TSSK4: variants seen among roughly 807,000 people sequenced by gnomAD.
TSSK4 encodes testis-specific serine/threonine-protein kinase 4.
TSSK4 carries 22 observed loss-of-function variants against 28.5 expected under a neutral mutation model. The ratio of observed to expected loss-of-function variants is 0.77; its 90% confidence interval spans 0.55 to 1.10. The LOEUF is 1.10. TSSK4 is among the 50% of genes least tolerant of loss of function. TSSK4 has a pLI of 0.00. For missense variants in TSSK4, 329 were observed against 415.4 expected, an observed-to-expected ratio of 0.79 and a Z score of 1.81; for synonymous variants, 151 against 158.3, an observed-to-expected ratio of 0.95 and a Z score of 0.35.
chr14:24,207,295 C>A lies in TSSK4; in HGVS notation c.620C>A (p.Thr207Asn). ...QVNCFSHLSQ[T>N]YCGSFAYACP... is the part of the protein sequence containing the mutation. The stretch of plus-strand genomic sequence containing the variant: ...AACTGCTTTTCCCACCTCAGCCAGA[C>A]TTACTGTGGCAGCTTTGCTTACGCT... The change falls in exon 3 of 4, where the codon ACT becomes AAT. Residue 207 changes from threonine to asparagine, a missense_variant. Around this residue, in one of 3 missense-constraint regions of TSSK4, gnomAD observed 139 missense variants for 178.1 expected, o/e 0.78. Coordinates refer to ENST00000339917, the MANE Select transcript of TSSK4 (RefSeq NM_001184739.2). 1.2e-6 allele frequency: 2 copies of A among 1,614,158 alleles called. No homozygotes were observed. The highest frequency in any genetic ancestry group is 1.7e-6 in the Non-Finnish European group (2 of 1,179,998).
chr14:24,207,575 C>A lies in TSSK4; in HGVS notation c.834+66C>A, dbSNP rs2039543445. ...CCACAGGGAGGGGTGAATATCCAAC[C>A]TAGGTCACCCAACCTAGGCCTCCCA... On this transcript the variant is annotated intron_variant, in intron 3 of 3. Transcript: ENST00000339917. 4 of 1,522,874 alleles carry A rather than the reference C, an allele frequency of 2.6e-6. No homozygotes were observed. The East Asian group carries it at 9.0e-5, about 34-fold the overall frequency. 94.3% of individuals were successfully genotyped at this position (1,522,874 alleles called of 1,614,324 possible). A position where few individuals can be genotyped will look rare whatever the true frequency, so the allele number is the denominator to read the frequency against.
rs1348458884 is a variant in TSSK4 at position 24,205,889 on chromosome 14, T to C, written c.-35T>C. 6.4e-7 allele frequency: 1 copy of C among 1,573,250 alleles called. No homozygotes were observed. The highest frequency in any genetic ancestry group is 1.1e-5 in the South Asian group (1 of 90,200). ...GGCCTTTGGATAGGAGGCTTCCAAG[T>C]AGTAAAGCTCCCTGCTCTCAGCAAG... On this transcript the variant is annotated 5_prime_UTR_variant, in exon 1 of 4. Coordinates refer to ENST00000339917, the MANE Select transcript of TSSK4 (RefSeq NM_001184739.2).
rs767444665 is a variant in TSSK4 at position 24,207,985 on chromosome 14, C to T, written c.856C>T (p.Arg286Cys). 33 of 1,614,090 alleles carry T rather than the reference C, an allele frequency of 2.0e-5. No homozygotes were observed. Among genetic ancestry groups the T allele is most frequent in the Middle Eastern group, 1.6e-4 (1 of 6,084 alleles). The change falls in exon 4 of 4, where the codon CGC becomes TGC. Residue 286 changes from arginine to cysteine, a missense_variant. Arg to Cys is a radical substitution (Grantham distance 180, BLOSUM62 -3). Around this residue, in one of 3 missense-constraint regions of TSSK4, gnomAD observed 139 missense variants for 178.1 expected, o/e 0.78. Transcript: ENST00000339917. ...CTAGAACCTGATCCTCCAGATGCTACGCCAAGCCACTAAGCGTGCCACCAT... is the reference window on the plus strand; with the variant it reads ...CTAGAACCTGATCCTCCAGATGCTATGCCAAGCCACTAAGCGTGCCACCAT... Reference protein sequence around the residue: ...ECKNLILQMLRQATKRATILD... With the variant: ...ECKNLILQMLCQATKRATILD...
chr14:24,206,613 C>A lies in TSSK4; in HGVS notation c.330C>A (p.Val110=). ...TGGAACTGGCTCAGGGTGGTGATGT[C>A]CTTGAATGGATCCAGCGCTACGGGG... ...IILELAQGGD[V]LEWIQRYGAC... Residue 110 remains valine (V), a synonymous_variant, in exon 2 of 4, where the codon GTC becomes GTA. Transcript: ENST00000339917. 6.2e-7 allele frequency: 1 copy of A among 1,614,212 alleles called. No homozygotes were observed. The highest frequency in any genetic ancestry group is 8.5e-7 in the Non-Finnish European group (1 of 1,180,040).
chr14:24,206,615 T>C lies in TSSK4; in HGVS notation c.332T>C (p.Leu111Pro). 1 of 1,614,242 alleles carries C rather than the reference T, an allele frequency of 6.2e-7. No individual in the cohort carries two copies. Among genetic ancestry groups the C allele is most frequent in the Non-Finnish European group, 8.5e-7 (1 of 1,180,036 alleles). The change falls in exon 2 of 4, where the codon CTT becomes CCT. Residue 111 changes from leucine to proline, a missense_variant. Leu to Pro is a moderately conservative substitution (Grantham distance 98). Around this residue, in one of 3 missense-constraint regions of TSSK4, gnomAD observed 175 missense variants for 196.0 expected, o/e 0.89. Transcript: ENST00000339917. ...GAACTGGCTCAGGGTGGTGATGTCC[T>C]TGAATGGATCCAGCGCTACGGGGCC... ...ILELAQGGDV[L>P]EWIQRYGACS...
At position 24,206,154 on chromosome 14, in the gene TSSK4, A is replaced by G; in HGVS notation, c.225+6A>G. The G allele has an allele frequency of 6.2e-7, 1 of 1,613,828 alleles. No individual in the cohort carries two copies. The highest frequency in any genetic ancestry group is 8.5e-7 in the Non-Finnish European group (1 of 1,179,770). ...TCCTGCCCCGTGAAATACAGGTTGGAAAGGGGGCTGGAAGAGGGAACTGGA... is the reference window on the plus strand; with the variant it reads ...TCCTGCCCCGTGAAATACAGGTTGGGAAGGGGGCTGGAAGAGGGAACTGGA... On this transcript the variant is annotated splice_donor_region_variant and intron_variant, in intron 1 of 3. Transcript: ENST00000339917.
In TSSK4 at chr14:24,207,317, C is replaced by A. The variant is rs771807639; in HGVS notation, c.642C>A (p.Tyr214Ter). The A allele has an allele frequency of 6.2e-7, 1 of 1,614,140 alleles. No individual in the cohort carries two copies. Among genetic ancestry groups the A allele is most frequent in the African/African-American group, 1.3e-5 (1 of 75,044 alleles). ...AGACTTACTGTGGCAGCTTTGCTTA[C>A]GCTTGCCCAGAGATCTTACGAGGCT... ...LSQTYCGSFA[Y>*]ACPEILRGLP... is the part of the protein sequence containing the mutation. The change falls in exon 3 of 4, where the codon TAC (tyrosine) becomes TAA (stop). Residue 214 changes from tyrosine (Y) to a stop codon, truncating the protein, a stop_gained. Transcript: ENST00000339917. LOFTEE classifies it high-confidence loss of function.
rs754671970 is a variant in TSSK4 at position 24,207,412 on chromosome 14, A to G, written c.737A>G (p.His246Arg). ...GVILYTLVVAHLPFDDTNLKK... is the reference protein window; with the variant it reads ...GVILYTLVVARLPFDDTNLKK... ...ATCCTTTACACTCTAGTGGTCGCCC[A>G]TCTGCCCTTTGATGACACCAATCTC... Residue 246 changes from histidine (H) to arginine (R), a missense_variant, in exon 3 of 4, where the codon CAT becomes CGT. His to Arg is a conservative substitution (Grantham distance 29). Transcript: ENST00000339917. 8.7e-6 allele frequency: 14 copies of G among 1,614,180 alleles called. No homozygotes were observed. Among genetic ancestry groups the G allele is most frequent in the Admixed American group, 6.7e-5 (4 of 60,020 alleles).
rs149589610 is a variant in TSSK4 at position 24,208,106 on chromosome 14, A to C, written c.977A>C (p.Asn326Thr). 5.4e-4 allele frequency: 874 copies of C among 1,613,340 alleles called. No individual in the cohort carries two copies. The highest frequency in any genetic ancestry group is 6.5e-4 in the Non-Finnish European group (769 of 1,179,386). Residue 326 changes from asparagine to threonine, a missense_variant, in exon 4 of 4, where the codon AAC becomes ACC. Transcript: ENST00000339917. Reference sequence around the variant, plus strand: ...CTTGAGGCCATGTGCCAGCTCCACAACACCACTAAACAGCACCAATCCTTG... The same window carrying C: ...CTTGAGGCCATGTGCCAGCTCCACACCACCACTAAACAGCACCAATCCTTG... The part of the protein sequence containing the change: ...RLLEAMCQLH[N>T]TTKQHQSLQI...
intron 3 of TSSK4, 22 bp downstream of exon 3, chr14:24,207,531 C>T: frequency 6.3e-7 from 1 of 1,577,560 alleles, no homozygotes; most frequent in South Asian, 1.2e-5. Context: ...CTAAGGAGGG[C>T]TGAGCCTTCA....
chr14:24,207,999 G>A lies in TSSK4; in HGVS notation c.870G>A (p.Lys290=), dbSNP rs746263323. ...LILQMLRQAT[K]RATILDIIKD... ...TCCAGATGCTACGCCAAGCCACTAA[G>A]CGTGCCACCATTCTGGACATCATCA... Residue 290 remains lysine (K), a synonymous_variant, in exon 4 of 4, where the codon AAG becomes AAA. Transcript: ENST00000339917. The A allele has an allele frequency of 1.2e-6, 2 of 1,614,098 alleles. No individual in the cohort carries two copies. The highest frequency in any genetic ancestry group is 1.3e-5 in the African/African-American group (1 of 74,922).
chr14:24,205,862 T>C lies in TSSK4; in HGVS notation c.-62T>C, dbSNP rs1594463125. ...CCCTAGCCTTCAGCAGCTCAAGGTG[T>C]TGGCCTTTGGATAGGAGGCTTCCAA... On this transcript the variant is annotated 5_prime_UTR_variant, in exon 1 of 4. Coordinates refer to ENST00000339917, the MANE Select transcript of TSSK4 (RefSeq NM_001184739.2). 1 of 1,336,492 alleles carries C rather than the reference T, an allele frequency of 7.5e-7. No homozygotes were observed. Among genetic ancestry groups the C allele is most frequent in the Non-Finnish European group, 1.1e-6 (1 of 930,604 alleles). 82.8% of individuals were successfully genotyped at this position (1,336,492 alleles called of 1,614,324 possible).
In TSSK4 at chr14:24,208,177, G is replaced by A. The variant is rs1332491446; in HGVS notation, c.*31G>A. 6.4e-7 allele frequency: 1 copy of A among 1,558,778 alleles called. No homozygotes were observed. Among genetic ancestry groups the A allele is most frequent in the Non-Finnish European group, 8.7e-7 (1 of 1,150,324 alleles). ...GCTGAGGGAGGGGGCTAAGAGAGGA[G>A]CAAAGCAGGAGGTCTTGGGCTAAAA... On this transcript the variant is annotated 3_prime_UTR_variant, in exon 4 of 4. Coordinates refer to ENST00000339917, the MANE Select transcript of TSSK4 (RefSeq NM_001184739.2).
chr14:24,206,659 G>T lies in TSSK4; in HGVS notation c.376G>T (p.Gly126Cys). Residue 126 changes from glycine (G) to cysteine (C), a missense_variant, in exon 2 of 4, where the codon GGC becomes TGC. This residue lies in a region of TSSK4 where 175 missense variants were observed against 196.0 expected (regional missense o/e 0.89). Transcript: ENST00000339917. ...CGGGGCCTGCTCTGAGCCCCTTGCT[G>T]GCAAGTGGTTCTCCCAGCTGACCCT... is the stretch of plus-strand genomic sequence containing the variant. The part of the protein sequence containing the change: ...RYGACSEPLA[G>C]KWFSQLTLGI... The T allele has an allele frequency of 1.2e-6, 2 of 1,614,186 alleles. No individual in the cohort carries two copies. The highest frequency in any genetic ancestry group is 1.7e-6 in the Non-Finnish European group (2 of 1,180,038).
chr14:24,206,858 A>G, intron 2 of TSSK4, 135 bp downstream of exon 2: 9 of 1,067,696 alleles, frequency 8.4e-6, no homozygotes, highest in Non-Finnish European at 1.2e-5. Context: ...TATTTTAATC[A>G]TATGGTCAAG....
Position 24,208,001 on chromosome 14 carries a change from G to T in TSSK4, c.872G>T (p.Arg291Leu). 6.2e-7 allele frequency: 1 copy of T among 1,614,172 alleles called. No individual in the cohort carries two copies. Among genetic ancestry groups the T allele is most frequent in the Non-Finnish European group, 8.5e-7 (1 of 1,180,028 alleles). ...CAGATGCTACGCCAAGCCACTAAGC[G>T]TGCCACCATTCTGGACATCATCAAG... ...ILQMLRQATKRATILDIIKDS... is the reference protein window; with the variant it reads ...ILQMLRQATKLATILDIIKDS... Residue 291 changes from arginine (R) to leucine (L), a missense_variant, in exon 4 of 4, where the codon CGT becomes CTT. Arg to Leu is a moderately radical substitution (Grantham distance 102). Coordinates refer to ENST00000339917, the MANE Select transcript of TSSK4 (RefSeq NM_001184739.2).
rs1257133943 is a variant in TSSK4, at chr14:24,207,614, G to C, written c.834+105G>C. On this transcript the variant is annotated intron_variant, in intron 3 of 3. Coordinates refer to ENST00000339917, the MANE Select transcript of TSSK4 (RefSeq NM_001184739.2). Reference sequence around the variant, plus strand: ...CTAGGCCTCCCAACCCTGGGGAAAGGCTCTTCCCACACCAGAGCCATCTCA... The same window carrying C: ...CTAGGCCTCCCAACCCTGGGGAAAGCCTCTTCCCACACCAGAGCCATCTCA... 3.0e-6 allele frequency: 4 copies of C among 1,341,896 alleles called. No homozygotes were observed. The African/African-American group carries it at 5.9e-5, about 20-fold the overall frequency. 83.1% of individuals were successfully genotyped at this position (1,341,896 alleles called of 1,614,324 possible).
chr14:24,206,895 C>A, intron 2 of TSSK4, 172 bp downstream of exon 2: 1 of 985,388 alleles, frequency 1.0e-6, no homozygotes, highest in Non-Finnish European at 1.5e-6. Flanking sequence ...TCACTGTATG[C>A]AAAGCATTTT....
Position 24,207,356 on chromosome 14 carries a change from T to C in TSSK4, c.681T>C (p.Pro227=). The change falls in exon 3 of 4, where the codon CCT becomes CCC. Residue 227 remains proline, a synonymous_variant. Coordinates refer to ENST00000339917, the MANE Select transcript of TSSK4 (RefSeq NM_001184739.2). The part of the protein sequence containing the change: ...PEILRGLPYN[P]FLSDTWSMGV... Reference sequence around the variant, plus strand: ...TCTTACGAGGCTTGCCCTACAACCCTTTCCTGTCTGACACCTGGAGCATGG... The same window carrying C: ...TCTTACGAGGCTTGCCCTACAACCCCTTCCTGTCTGACACCTGGAGCATGG... 1 of 1,614,170 alleles carries C rather than the reference T, an allele frequency of 6.2e-7. No homozygotes were observed. The highest frequency in any genetic ancestry group is 1.1e-5 in the South Asian group (1 of 91,088).
Sources: gnomAD v4.1 joint callset for allele counts on GRCh38, gnomAD v4.1.1 for gene constraint, gnomAD v4.1.1 regional missense constraint, MANE v1.5 for transcripts, NCBI Gene and HGNC (gene_info 2026-07-23, HGNC 2026-07-21) for gene names.